The following NYX variants were observed in gnomAD, a reference collection of about 807,000 sequenced individuals.
NYX encodes nyctalopin, also known as leucine-rich repeat protein.
For missense variants in NYX, 481 were observed against 485.4 expected, an observed-to-expected ratio of 0.99 and a Z score of 0.09; for synonymous variants, 258 against 245.7, an observed-to-expected ratio of 1.05 and a Z score of -0.47.
intron 2 of NYX, among the ~76,000 whole-genome samples, chrX:41,463,241 A>G (rs1230062727): frequency 9.0e-6 from 1 of 111,512 alleles, no homozygotes; most frequent in Non-Finnish European, 1.9e-5. Context: ...TTAATCTTGT[A>G]TTGCTTCAAG....
At chrX:41,454,203 G>A (rs2064291259) in intron 2 of NYX, among the ~76,000 whole-genome samples, 1 of 111,661 alleles carries the variant, frequency 9.0e-6, no homozygotes, top group Admixed American at 9.6e-5. Context: ...GTTCAGCCCT[G>A]GAAATGAACC....
At chrX:41,447,669 G>A in intron 1 of NYX, 153 bp downstream of exon 1, 1 of 450,555 alleles carries the variant, frequency 2.2e-6, no homozygotes, top group Non-Finnish European at 3.9e-6. Flanking sequence ...CTGTCCATTT[G>A]TGGGGAGCTT....
In NYX at chrX:41,473,699, C is replaced by T. The variant is rs1439665850; in HGVS notation, c.231C>T (p.Phe77=). The change falls in exon 3 of 3, where the codon TTC becomes TTT. Residue 77 remains phenylalanine, a synonymous_variant. Transcript: ENST00000378220. ...TGCGCTTCCTGGGCGAGCGAGCCTT[C>T]GGCACGCTGCCGTCCTTGCGCCGCC... The part of the protein sequence containing the change: ...NGLRFLGERA[F]GTLPSLRRLS... 1 of 1,142,701 alleles carries T rather than the reference C, an allele frequency of 8.8e-7. No individual in the cohort carries two copies. The highest frequency in any genetic ancestry group is 1.8e-5 in the African/African-American group (1 of 54,142). 94.2% of individuals were successfully genotyped at this position (1,142,701 alleles called of 1,213,427 possible). A position where few individuals can be genotyped will look rare whatever the true frequency, so the allele number is the denominator to read the frequency against.
At chrX:41,462,299 C>T (rs1306126216) in intron 2 of NYX, among the ~76,000 whole-genome samples, 2 of 112,061 alleles carry the variant, frequency 1.8e-5, no homozygotes, top group Admixed American at 9.6e-5. Context: ...TATAGACATA[C>T]GCTTTTATTT....
At chrX:41,459,576 G>A (rs973898345) in intron 2 of NYX, among the ~76,000 whole-genome samples, 2 of 110,168 alleles carry the variant, frequency 1.8e-5, no homozygotes, top group Non-Finnish European at 3.8e-5. Flanking sequence ...CCGAGATCAT[G>A]CCACTGCACT....
At chrX:41,451,671 G>A (rs1423898416) in intron 2 of NYX, among the ~76,000 whole-genome samples, 1 of 110,408 alleles carries the variant, frequency 9.1e-6, no homozygotes. Context: ...CCCCCACCAT[G>A]CTCTGCTAAT....
Position 41,475,188 on chromosome X carries a change from C to A in NYX, c.*289C>A. ...CGGAAGCTTCTAGGGCTTCACATCCCTTCCCCTCCCCTCCCCTTCCCCTCA... is the reference window on the plus strand; with the variant it reads ...CGGAAGCTTCTAGGGCTTCACATCCATTCCCCTCCCCTCCCCTTCCCCTCA... On this transcript the variant is annotated 3_prime_UTR_variant, in exon 3 of 3. Coordinates refer to ENST00000378220, the MANE Select transcript of NYX (RefSeq NM_001378477.3). 1 of 378,696 alleles carries A rather than the reference C, an allele frequency of 2.6e-6. No homozygotes were observed. Among genetic ancestry groups the A allele is most frequent in the Non-Finnish European group, 4.6e-6 (1 of 215,594 alleles). 31.2% of individuals were successfully genotyped at this position (378,696 alleles called of 1,213,427 possible). A position where few individuals can be genotyped will look rare whatever the true frequency, so the allele number is the denominator to read the frequency against.
chrX:41,473,156 T>C (rs2064368772), intron 2 of NYX, among the ~76,000 whole-genome samples: 1 of 111,820 alleles, frequency 8.9e-6, no homozygotes, highest in African/African-American at 3.2e-5. Flanking sequence ...TATGGAGGCC[T>C]GCATTAGTGA....
intron 2 of NYX, among the ~76,000 whole-genome samples, chrX:41,463,188 T>C (rs1283805820): frequency 9.0e-6 from 1 of 111,564 alleles, no homozygotes; most frequent in Non-Finnish European, 1.9e-5. Context: ...CTTTTTACTT[T>C]CCAGGGATTA....
Position 41,474,382 on chromosome X carries a change from A to G in NYX, c.914A>G (p.Asn305Ser), listed in dbSNP as rs774095317. The part of the protein sequence containing the change: ...NLSGLLALHL[N>S]GNRLTVLAWV... ...TCGGGTCTCCTCGCGCTGCACCTCA[A>G]CGGCAACCGCCTCACCGTGCTCGCC... The change falls in exon 3 of 3, where the codon AAC becomes AGC. Residue 305 changes from asparagine (N) to serine (S), a missense_variant. By Grantham distance (46) the Asn-to-Ser change is conservative. Coordinates refer to ENST00000378220, the MANE Select transcript of NYX (RefSeq NM_001378477.3). 15 of 1,206,100 alleles carry G rather than the reference A, an allele frequency of 1.2e-5. No individual in the cohort carries two copies. In the South Asian group the frequency reaches 1.8e-4, roughly 14 times the overall value.
At chrX:41,460,224 G>T (rs1343538315) in intron 2 of NYX, among the ~76,000 whole-genome samples, 1 of 107,247 alleles carries the variant, frequency 9.3e-6, no homozygotes, top group Non-Finnish European at 1.9e-5. Flanking sequence ...CTGGAGTGCG[G>T]TGGTGCCATC....
At chrX:41,453,784 T>C (rs1008147233) in intron 2 of NYX, among the ~76,000 whole-genome samples, 1 of 112,403 alleles carries the variant, frequency 8.9e-6, no homozygotes, top group Non-Finnish European at 1.9e-5. Flanking sequence ...CAAATAATAT[T>C]CCGTTGTATA....
intron 2 of NYX, among the ~76,000 whole-genome samples, chrX:41,468,489 A>T (rs909127525): frequency 9.0e-6 from 1 of 110,966 alleles, no homozygotes; most frequent in African/African-American, 3.3e-5. Context: ...ATGGGGTTTC[A>T]CCATGTTGGC....
At position 41,472,191 on chromosome X, in the gene NYX, G is replaced by A. The variant is rs2064363530; in HGVS notation, c.23-1300G>A. 3 of 578,032 alleles carry A rather than the reference G, an allele frequency of 5.2e-6. No homozygotes were observed. In the Admixed American group the frequency reaches 1.1e-4, roughly 21 times the overall value. 47.6% of individuals were successfully genotyped at this position (578,032 alleles called of 1,213,427 possible). A position where few individuals can be genotyped will look rare whatever the true frequency, so the allele number is the denominator to read the frequency against. ...TAACTCCATGGAGCCCAGAGTTCCT[G>A]GCTCGGGAACATTGGGAGGCCTGGG... On this transcript the variant is annotated intron_variant, in intron 2 of 2. Coordinates refer to ENST00000378220, the MANE Select transcript of NYX (RefSeq NM_001378477.3).
chrX:41,447,666 T>G, intron 1 of NYX, 150 bp downstream of exon 1: 3 of 440,438 alleles, frequency 6.8e-6, no homozygotes, highest in Non-Finnish European at 1.2e-5. Context: ...AAACTGTCCA[T>G]TTGTGGGGAG....
intron 2 of NYX, among the ~76,000 whole-genome samples, chrX:41,450,829 T>TATATATATATATATATA (rs1491392464): frequency 1.0e-4 from 1 of 10,021 alleles, no homozygotes; most frequent in African/African-American, 4.6e-4. Context: ...TATATATATA[T>TATATATATATATATATA]TTTTTTTTTT....
At chrX:41,458,620 C>A (rs1453488393) in intron 2 of NYX, among the ~76,000 whole-genome samples, 1 of 109,373 alleles carries the variant, frequency 9.1e-6, no homozygotes, top group East Asian at 2.9e-4. Flanking sequence ...GTGCGTGCCA[C>A]CATGCCCAGC....
At position 41,474,198 on chromosome X, in the gene NYX, G is replaced by T. The variant is rs890791307; in HGVS notation, c.730G>T (p.Ala244Ser). Residue 244 changes from alanine (A) to serine (S), a missense_variant, in exon 3 of 3, where the codon GCC becomes TCC. By Grantham distance (99) the Ala-to-Ser change is moderately conservative (BLOSUM62 1). Coordinates refer to ENST00000378220, the MANE Select transcript of NYX (RefSeq NM_001378477.3). ...DNLLAELPADAFRGLRRLRTL... is the reference protein window; with the variant it reads ...DNLLAELPADSFRGLRRLRTL... ...CCTGCTGGCCGAGCTCCCGGCCGAC[G>T]CCTTCCGCGGCCTGCGGCGCCTGCG... The T allele has an allele frequency of 1.7e-6, 2 of 1,173,363 alleles. No homozygotes were observed. Among genetic ancestry groups the T allele is most frequent in the African/African-American group, 3.5e-5 (2 of 57,055 alleles).
intron 2 of NYX, among the ~76,000 whole-genome samples, chrX:41,449,679 C>T (rs1044557307): frequency 9.0e-6 from 1 of 111,420 alleles, no homozygotes; most frequent in Non-Finnish European, 1.9e-5. Context: ...TACCGTTCCT[C>T]ACAGAAAGCA....
Sources: gnomAD v4.1 joint callset for allele counts (sites outside exome capture counted in the v4.1 genomes callset) on GRCh38, gnomAD v4.1.1 for gene constraint, MANE v1.5 for transcripts, NCBI Gene and HGNC (gene_info 2026-07-23, HGNC 2026-07-21) for gene names.